ZNF48: variants seen among roughly 807,000 people sequenced by gnomAD.
ZNF48 encodes zinc finger protein 48, also known as zinc finger protein 553.
In ZNF48, 20 loss-of-function variants were observed where a neutral mutation model predicts 40.0. The observed-to-expected ratio is 0.50, with a 90% CI of 0.35 to 0.73. The LOEUF (loss-of-function observed/expected upper bound fraction) is 0.73, where lower values mean the gene tolerates loss of function less well. Among genes scored for constraint, ZNF48 ranks in the 30% least tolerant of loss-of-function variants. The pLI is 0.01. For missense variants in ZNF48, 726 were observed against 851.9 expected (o/e 0.85, Z 1.84); for synonymous variants, 298 against 329.7 (o/e 0.90, Z 1.04).
intron 1 of ZNF48, chr16:30,383,001 C>A: frequency 1.7e-6 from 1 of 595,650 alleles, no homozygotes; most frequent in Admixed American, 2.8e-5. Flanking sequence ...GAGGGACGTG[C>A]CCCTCTACCA....
At chr16:30,384,391 G>T (rs1462190629) in intron 1 of ZNF48, among the ~76,000 whole-genome samples, 3 of 151,728 alleles carry the variant, frequency 2.0e-5, no homozygotes, top group Non-Finnish European at 4.4e-5. Flanking sequence ...AGCTGGGCAT[G>T]GTGGCATTGC....
chr16:30,387,423 C>T (rs1261471803), intron 1 of ZNF48, among the ~76,000 whole-genome samples: 1 of 147,102 alleles, frequency 6.8e-6, no homozygotes, highest in African/African-American at 2.5e-5. Flanking sequence ...GGCATGGTGG[C>T]GCATGCCTGT....
chr16:30,397,566 G>A lies in ZNF48; in HGVS notation c.316G>A (p.Ala106Thr), dbSNP rs780945711. The change falls in exon 3 of 3, where the codon GCT becomes ACT. Residue 106 changes from alanine to threonine, a missense_variant. Around this residue, in one of 5 missense-constraint regions of ZNF48, gnomAD observed 151 missense variants for 162.3 expected, o/e 0.93. Transcript: ENST00000613509. This position sits in a 1 kb window ranked among gnomAD's most constrained non-coding sequence, Gnocchi z 4.1. ...CCTGGGTGAACCACGCTGGGGCCAGGCTAGTAGTGATCGGGCCGCTGTGTG... is the reference window on the plus strand; with the variant it reads ...CCTGGGTGAACCACGCTGGGGCCAGACTAGTAGTGATCGGGCCGCTGTGTG... ...RLLGEPRWGQ[A>T]SSDRAAVCGE... 3.7e-6 allele frequency: 6 copies of A among 1,614,014 alleles called. No individual in the cohort carries two copies. The highest frequency in any genetic ancestry group is 1.3e-5 in the African/African-American group (1 of 74,946).
In ZNF48 at chr16:30,397,227, C is replaced by A; in HGVS notation, c.80-103C>A. 1 of 1,061,524 alleles carries A rather than the reference C, an allele frequency of 9.4e-7. No individual in the cohort carries two copies. Among genetic ancestry groups the A allele is most frequent in the East Asian group, 2.4e-5 (1 of 41,680 alleles). The allele number at this position is 1,061,524 out of a possible 1,614,324, so 65.8% of individuals were successfully genotyped here. ...TTGAGAGGACAGAGAGATTGGGGTT[C>A]CTGTGACCACAGATTGTCAAGGGAG... On this transcript the variant is annotated intron_variant, in intron 2 of 2. Transcript: ENST00000613509. This position sits in a 1 kb window ranked among gnomAD's most constrained non-coding sequence, Gnocchi z 4.1.
At chr16:30,385,206 TAATAATAATAATAATATAA>T (rs1464304641) in intron 1 of ZNF48, among the ~76,000 whole-genome samples, 16 of 141,866 alleles carry the variant, frequency 1.1e-4, no homozygotes, top group African/African-American at 4.2e-4. Flanking sequence ...ATAATAATAA[TAATAATAATAATAATATAA>T]ATAAATAAAT....
chr16:30,394,956 A>C (rs1597018287), upstream of ZNF48: 6 of 164,064 alleles, frequency 3.7e-5, no homozygotes, highest in East Asian at 1.7e-4. Context: ...CCCATTCCAT[A>C]CCCACCCCCA....
At chr16:30,394,167 C>G (rs570636373), upstream of ZNF48, among the ~76,000 whole-genome samples, 17 of 152,244 alleles carry the variant, frequency 1.1e-4, no homozygotes, top group Non-Finnish European at 1.9e-4. Flanking sequence ...ATTACAGGGG[C>G]AGGCCACCAG....
intron 1 of ZNF48, chr16:30,379,105 A>G (rs766695673): frequency 1.1e-5 from 18 of 1,613,702 alleles, no homozygotes; most frequent in South Asian, 2.2e-5. Context: ...ATCGTGCGTC[A>G]CCTCTTTCAG....
In ZNF48 at chr16:30,399,447, C is replaced by G. The variant is rs1182466391; in HGVS notation, c.*340C>G. The stretch of plus-strand genomic sequence containing the variant: ...CTCATCTGTTAAGAACTGACACTTT[C>G]CCCTTGCTGGGCAGGTAGTACACAC... On this transcript the variant is annotated 3_prime_UTR_variant, in exon 3 of 3. Coordinates refer to ENST00000613509, the MANE Select transcript of ZNF48 (RefSeq NM_001214909.2). The G allele has an allele frequency of 5.0e-6, 1 of 199,834 alleles. No homozygotes were observed. Among genetic ancestry groups the G allele is most frequent in the African/African-American group, 2.3e-5 (1 of 43,094 alleles). 12.4% of individuals were successfully genotyped at this position (199,834 alleles called of 1,614,324 possible).
At chr16:30,395,335 C>A (rs2049971478), upstream of ZNF48, 2 of 452,900 alleles carry the variant, frequency 4.4e-6, no homozygotes, top group Non-Finnish European at 8.9e-6. The surrounding 1 kb of genome is among the most constrained non-coding windows in gnomAD (Gnocchi z 5.9). Context: ...ACAGAGCTAC[C>A]GCCGACGCGG....
upstream of ZNF48, among the ~76,000 whole-genome samples, chr16:30,392,585 C>G (rs970305016): frequency 3.3e-5 from 5 of 152,184 alleles, no homozygotes; most frequent in African/African-American, 1.2e-4. Flanking sequence ...ATAGCTGATA[C>G]TTTTGCTAAG....
intron 1 of ZNF48, chr16:30,379,134 C>T (rs2049801358): frequency 1.2e-6 from 2 of 1,614,030 alleles, no homozygotes; most frequent in Middle Eastern, 1.6e-4. Context: ...GGTGTGTCTG[C>T]ACCAGCATCC....
chr16:30,379,563 T>C lies in ZNF48; in HGVS notation c.-16+1153T>C, dbSNP rs368140022. The C allele has an allele frequency of 1.2e-5, 18 of 1,557,528 alleles. No homozygotes were observed. The African/African-American group carries it at 1.2e-4, about 11-fold the overall frequency. Reference sequence around the variant, plus strand: ...GAGGGCAGGGGGCAGGGGTTCACCATTGGCTCACACGGCAGAAACTTTCTC... The same window carrying C: ...GAGGGCAGGGGGCAGGGGTTCACCACTGGCTCACACGGCAGAAACTTTCTC... On this transcript the variant is annotated intron_variant, in intron 1 of 2. Coordinates refer to the ZNF48 transcript ENST00000528032.
Position 30,398,860 on chromosome 16 carries a change from C to T in ZNF48, c.1610C>T (p.Ser537Phe). 1 of 1,613,996 alleles carries T rather than the reference C, an allele frequency of 6.2e-7. No individual in the cohort carries two copies. Among genetic ancestry groups the T allele is most frequent in the Non-Finnish European group, 8.5e-7 (1 of 1,179,998 alleles). ...APRPRVRAQP[S>F]GPSQPHVCGF... ...CGACCCCGAGTTCGGGCCCAGCCTTCTGGACCCAGCCAGCCCCACGTGTGT... is the reference window on the plus strand; with the variant it reads ...CGACCCCGAGTTCGGGCCCAGCCTTTTGGACCCAGCCAGCCCCACGTGTGT... Residue 537 changes from serine to phenylalanine, a missense_variant, in exon 3 of 3, where the codon TCT becomes TTT. Ser to Phe is a radical substitution (Grantham distance 155, BLOSUM62 -2). This residue lies in a region of ZNF48 where 166 missense variants were observed against 163.6 expected (regional missense o/e 1.01). Transcript: ENST00000613509. This position sits in a 1 kb window ranked among gnomAD's most constrained non-coding sequence, Gnocchi z 6.6.
rs758920544 is a variant in ZNF48, at chr16:30,398,763, C to T, written c.1513C>T (p.Arg505Trp). 33 of 1,613,490 alleles carry T rather than the reference C, an allele frequency of 2.0e-5. No homozygotes were observed. The highest frequency in any genetic ancestry group is 2.5e-5 in the Non-Finnish European group (30 of 1,179,996). The change falls in exon 3 of 3, where the codon CGG becomes TGG. Residue 505 changes from arginine to tryptophan, a missense_variant. Physicochemically the swap from Arg to Trp is moderately radical, Grantham distance 101. Transcript: ENST00000613509. This position sits in a 1 kb window ranked among gnomAD's most constrained non-coding sequence, Gnocchi z 6.6. ...VKHLRTHRGE[R>W]ARPPPPSTLL... ...GCACCTCCGCACCCACCGTGGTGAA[C>T]GGGCCCGGCCACCACCACCATCCAC...
upstream of ZNF48, among the ~76,000 whole-genome samples, chr16:30,392,254 A>G (rs2049948499): frequency 6.6e-6 from 1 of 151,932 alleles, no homozygotes; most frequent in Non-Finnish European, 1.5e-5. Context: ...CAATCTTCTG[A>G]CCTCGTGATC....
At chr16:30,395,154 C>T (rs541614500), upstream of ZNF48, 2 of 451,432 alleles carry the variant, frequency 4.4e-6, no homozygotes, top group African/African-American at 2.0e-5. The surrounding 1 kb of genome is among the most constrained non-coding windows in gnomAD (Gnocchi z 5.9). Context: ...CGCTGTCGGC[C>T]GGCCGGGGAG....
chr16:30,390,510 G>T (rs898142707), upstream of ZNF48, among the ~76,000 whole-genome samples: 1 of 148,982 alleles, frequency 6.7e-6, no homozygotes. Flanking sequence ...CCGGGTTCAC[G>T]TGATTCTCCT....
chr16:30,385,493 C>T (rs950233675), intron 1 of ZNF48, among the ~76,000 whole-genome samples: 3 of 151,900 alleles, frequency 2.0e-5, no homozygotes, highest in Non-Finnish European at 2.9e-5. Context: ...GATGTGGTGG[C>T]GCGTGCCTGT....
Sources: gnomAD v4.1 joint callset for allele counts (sites outside exome capture counted in the v4.1 genomes callset) on GRCh38, gnomAD v4.1.1 for gene constraint, gnomAD v4.1.1 regional missense constraint, Gnocchi (gnomAD v3.1) non-coding constraint, MANE v1.5 for transcripts, NCBI Gene and HGNC (gene_info 2026-07-23, HGNC 2026-07-21) for gene names.